The following MERTK variants were observed in gnomAD, a reference collection of about 807,000 sequenced individuals.
MERTK encodes the protein tyrosine-protein kinase Mer.
In MERTK, 69 loss-of-function variants were observed where a neutral mutation model predicts 99.3. That is an observed-to-expected ratio of 0.70 (90% CI 0.57 to 0.85). MERTK has a LOEUF of 0.85. MERTK is among the 40% of genes least tolerant of loss of function. The probability of loss-of-function intolerance (pLI) is 0.00; values close to 1 mark genes in which losing one functional copy is unlikely to be tolerated. For missense variants in MERTK, 1,125 were observed against 1,249.4 expected, an observed-to-expected ratio of 0.90 and a Z score of 1.50; for synonymous variants, 426 against 467.6, an observed-to-expected ratio of 0.91 and a Z score of 1.15.
intron 1 of MERTK, among the ~76,000 whole-genome samples, chr2:111,917,712 C>T (rs1055854916): frequency 1.6e-4 from 25 of 152,012 alleles, no homozygotes; most frequent in African/African-American, 6.0e-4. Flanking sequence ...TGGTGAAACC[C>T]CGTCTCTACT....
At chr2:111,902,557 G>C (rs908766550) in intron 1 of MERTK, among the ~76,000 whole-genome samples, 1 of 151,944 alleles carries the variant, frequency 6.6e-6, no homozygotes, top group African/African-American at 2.4e-5. Flanking sequence ...TCTAGGGCCT[G>C]AGCAGCCTTT....
At chr2:111,962,355 G>T (rs1412904598) in intron 4 of MERTK, among the ~76,000 whole-genome samples, 1 of 152,060 alleles carries the variant, frequency 6.6e-6, no homozygotes, top group Non-Finnish European at 1.5e-5. Context: ...TAAAAATACA[G>T]AATTAGCCGG....
intron 18 of MERTK, among the ~76,000 whole-genome samples, chr2:112,027,980 A>C (rs998760639): frequency 2.0e-5 from 3 of 152,258 alleles, no homozygotes; most frequent in Non-Finnish European, 4.4e-5. Flanking sequence ...ACGTGTAAAC[A>C]AATAAGGATA....
chr2:111,986,523 G>A (rs1332682617), intron 8 of MERTK, among the ~76,000 whole-genome samples: 1 of 152,216 alleles, frequency 6.6e-6, no homozygotes, highest in Admixed American at 6.5e-5. Context: ...CTTCTGGCTT[G>A]GGTGAAAGCT....
intron 6 of MERTK, among the ~76,000 whole-genome samples, chr2:111,973,520 G>T (rs1676166715): frequency 6.6e-6 from 1 of 152,082 alleles, no homozygotes; most frequent in Non-Finnish European, 1.5e-5. Flanking sequence ...GTTTATTTCT[G>T]GTTCATTGAC....
chr2:111,938,479 C>T (rs1355752711), intron 2 of MERTK, among the ~76,000 whole-genome samples: 4 of 152,152 alleles, frequency 2.6e-5, no homozygotes, highest in Admixed American at 2.0e-4. Context: ...ACTGCTACTT[C>T]CAAGTCATTT....
At position 112,021,435 on chromosome 2, in the gene MERTK, A is replaced by G. The variant is rs1677346368; in HGVS notation, c.2203A>G (p.Met735Val). 1 of 1,613,426 alleles carries G rather than the reference A, an allele frequency of 6.2e-7. No homozygotes were observed. ...AARNCMLRDD[M>V]TVCVADFGLS... ...TGCTCTCTGTAGGTTGCGAGATGAC[A>G]TGACTGTCTGTGTTGCGGACTTCGG... Residue 735 changes from methionine to valine, a missense_variant, in exon 17 of 19, where the codon ATG (methionine) becomes GTG (valine). Met to Val is a conservative substitution (Grantham distance 21). Transcript: ENST00000295408.
At chr2:111,985,446 A>C (rs1240231662) in intron 8 of MERTK, among the ~76,000 whole-genome samples, 1 of 152,178 alleles carries the variant, frequency 6.6e-6, no homozygotes, top group Non-Finnish European at 1.5e-5. Flanking sequence ...TCTCTTCTTT[A>C]CTGTGATCAT....
intron 1 of MERTK, among the ~76,000 whole-genome samples, chr2:111,925,318 T>TTTTTTA (rs1684541643): frequency 2.0e-5 from 2 of 102,410 alleles, no homozygotes; most frequent in African/African-American, 3.6e-5. Flanking sequence ...TTTTTTTTTT[T>TTTTTTA]GAGATGGATT....
intron 15 of MERTK, chr2:112,010,329 G>T (rs1677072198): frequency 2.5e-6 from 1 of 404,212 alleles, no homozygotes; most frequent in Non-Finnish European, 4.7e-6. Context: ...TGAGTTGGGT[G>T]GCCCAGGCTC....
intron 16 of MERTK, among the ~76,000 whole-genome samples, chr2:112,021,011 T>C (rs1488558743): frequency 6.8e-6 from 1 of 146,808 alleles, no homozygotes; most frequent in Non-Finnish European, 1.5e-5. Context: ...CTGGCCAACA[T>C]GGTGACACTC....
intron 8 of MERTK, among the ~76,000 whole-genome samples, chr2:111,989,447 T>G (rs554361722): frequency 9.9e-5 from 15 of 151,932 alleles, no homozygotes; most frequent in Admixed American, 3.3e-4. Context: ...AGTTCCGCCT[T>G]CCAGGTTCAC....
chr2:111,918,844 G>T (rs1684402674), intron 1 of MERTK, among the ~76,000 whole-genome samples: 1 of 151,814 alleles, frequency 6.6e-6, no homozygotes, highest in Non-Finnish European at 1.5e-5. Flanking sequence ...GAGAAAACAG[G>T]TACTGAAGTA....
intron 1 of MERTK, among the ~76,000 whole-genome samples, chr2:111,914,101 CT>C (rs765850254): frequency 6.6e-3 from 620 of 94,450 alleles, no homozygotes; most frequent in African/African-American, 0.024. Context: ...TTCTTTCTTT[CT>C]TTTTTTTTTT....
At chr2:111,921,116 T>G (rs941105764) in intron 1 of MERTK, among the ~76,000 whole-genome samples, 6 of 152,062 alleles carry the variant, frequency 3.9e-5, no homozygotes, top group Non-Finnish European at 8.8e-5. Context: ...AGGACATGAT[T>G]CAAATATCAG....
rs1409433297 is a variant in MERTK at position 111,979,065 on chromosome 2, CTG to C, written c.1144+3595_1144+3596del. Among the ~76,000 whole-genome samples, 11 of 152,054 alleles carry C rather than the reference CTG, an allele frequency of 7.2e-5. No homozygotes were observed. In the East Asian group the frequency reaches 1.9e-3, roughly 27 times the overall value. Reference sequence around the variant, plus strand: ...GAAGCCTGGATACCATTACCTTTAACTGTTTCGTGTGGTTCTTTTTCTATTTT... The same window carrying C: ...GAAGCCTGGATACCATTACCTTTAACTTTCGTGTGGTTCTTTTTCTATTTT... On this transcript the variant is annotated intron_variant, in intron 7 of 18. Transcript: ENST00000295408.
At chr2:111,931,351 T>C (rs922010773) in intron 2 of MERTK, among the ~76,000 whole-genome samples, 3 of 152,218 alleles carry the variant, frequency 2.0e-5, no homozygotes, top group Non-Finnish European at 4.4e-5. Context: ...GATTTGACTA[T>C]ATTTTTTCTG....
chr2:111,998,134 T>G (rs1337020953), intron 10 of MERTK, among the ~76,000 whole-genome samples: 3 of 152,202 alleles, frequency 2.0e-5, no homozygotes, highest in African/African-American at 7.2e-5. Flanking sequence ...TGGGAAGGGC[T>G]TAAGATTGGC....
Position 112,028,657 on chromosome 2 carries a change from G to A in MERTK, c.2793G>A (p.Leu931=). Residue 931 remains leucine, a synonymous_variant, in exon 19 of 19, where the codon CTG becomes CTA. Transcript: ENST00000295408. ...AACCTCATGAAGGACGGTACATCCT[G>A]AATGGGGGCAGTGAGGAATGGGAAG... ...DSKPHEGRYI[L]NGGSEEWEDL... is the part of the protein sequence containing the mutation. 1 of 1,614,238 alleles carries A rather than the reference G, an allele frequency of 6.2e-7. No homozygotes were observed. Among genetic ancestry groups the A allele is most frequent in the Non-Finnish European group, 8.5e-7 (1 of 1,180,042 alleles).
Sources: gnomAD v4.1 joint callset for allele counts (sites outside exome capture counted in the v4.1 genomes callset) on GRCh38, gnomAD v4.1.1 for gene constraint, MANE v1.5 for transcripts, NCBI Gene and HGNC (gene_info 2026-07-23, HGNC 2026-07-21) for gene names.